The following KIN variants were observed in gnomAD, a reference collection of about 807,000 sequenced individuals.
The protein encoded by KIN is Kin17 DNA and RNA binding protein.
Under a neutral mutation model 63.0 loss-of-function variants are expected in KIN, and 47 were observed. The observed-to-expected ratio is 0.75, with a 90% CI of 0.59 to 0.95. KIN has a LOEUF of 0.95. Ranked by LOEUF, KIN falls within the 40% of genes least tolerant of loss-of-function variation. KIN has a pLI of 0.00. For missense variants in KIN, 408 were observed against 460.9 expected, an observed-to-expected ratio of 0.89 and a Z score of 1.05; for synonymous variants, 160 against 157.7, an observed-to-expected ratio of 1.01 and a Z score of -0.11.
intron 3 of KIN, 33 bp downstream of exon 3, chr10:7,780,231 A>T (rs531735361): frequency 6.2e-7 from 1 of 1,610,650 alleles, no homozygotes; most frequent in Admixed American, 1.7e-5. Flanking sequence ...CCATTTATAA[A>T]GCTGTTATTT....
At chr10:7,767,540 G>T (rs2131000708) in intron 8 of KIN, among the ~76,000 whole-genome samples, 1 of 152,188 alleles carries the variant, frequency 6.6e-6, no homozygotes. Flanking sequence ...CATCCTGCAT[G>T]GTGTGAGGAC....
chr10:7,779,168 G>A (rs909136155), intron 4 of KIN, 149 bp from the exon 5 acceptor site: 37 of 865,982 alleles, frequency 4.3e-5, no homozygotes, highest in Non-Finnish European at 6.1e-5. Flanking sequence ...AGCACTTTAG[G>A]AGGCCAACAC....
intron 1 of KIN, among the ~76,000 whole-genome samples, chr10:7,783,812 C>A (rs1335736791): frequency 6.6e-6 from 1 of 152,048 alleles, no homozygotes; most frequent in Admixed American, 6.6e-5. Flanking sequence ...AGCACAAGCA[C>A]CCAAGCCATG....
Position 7,778,826 on chromosome 10 carries a change from T to A in KIN, c.558+12A>T. 6.2e-7 allele frequency: 1 copy of A among 1,612,314 alleles called. No homozygotes were observed. The highest frequency in any genetic ancestry group is 8.5e-7 in the Non-Finnish European group (1 of 1,179,518). ...CTGGACGTTGCTTCTCAGGATGATG[T>A]TGCTTACCCACCTGTTCCTTCCCTT... On this transcript the variant is annotated intron_variant, in intron 5 of 12. Coordinates refer to ENST00000379562, the MANE Select transcript of KIN (RefSeq NM_012311.4).
intron 1 of KIN, among the ~76,000 whole-genome samples, chr10:7,786,926 A>C (rs1836027216): frequency 1.3e-5 from 2 of 152,236 alleles, no homozygotes; most frequent in African/African-American, 4.8e-5. Context: ...TCACTTGCAG[A>C]AACACTGGAT....
intron 5 of KIN, 62 bp downstream of exon 5, chr10:7,778,776 C>T: frequency 6.7e-7 from 1 of 1,503,114 alleles, no homozygotes. Context: ...AAAGAAAAAC[C>T]AAGCCATTGT....
At chr10:7,776,528 C>T (rs912483606) in intron 5 of KIN, among the ~76,000 whole-genome samples, 2 of 150,386 alleles carry the variant, frequency 1.3e-5, no homozygotes, top group South Asian at 2.1e-4. Flanking sequence ...GGTGAAAGAG[C>T]GAGACGAGCC....
chr10:7,778,441 G>A (rs1420248478), intron 5 of KIN, among the ~76,000 whole-genome samples: 1 of 152,044 alleles, frequency 6.6e-6, no homozygotes, highest in African/African-American at 2.4e-5. Flanking sequence ...TTGATTCAAC[G>A]CTGAAAAGAC....
intron 2 of KIN, 135 bp downstream of exon 2, chr10:7,782,946 A>AT (rs1237474544): frequency 3.3e-5 from 14 of 420,022 alleles, no homozygotes; most frequent in African/African-American, 1.0e-4. Context: ...TCAAAAGAAG[A>AT]TAAAAACTGA....
Position 7,777,854 on chromosome 10 carries a change from G to A in KIN, c.558+984C>T, listed in dbSNP as rs373022615. On this transcript the variant is annotated intron_variant, in intron 5 of 12. Transcript: ENST00000379562. The stretch of plus-strand genomic sequence containing the variant: ...GCGGGGGTTGCAGTCAGCTGAAATC[G>A]CGCCACTGCACTCCAGCCTGGGCGA... Among the ~76,000 whole-genome samples, 6 of 148,026 alleles carry A rather than the reference G, an allele frequency of 4.1e-5. No homozygotes were observed. In the South Asian group the frequency reaches 1.1e-3, roughly 26 times the overall value.
In KIN at chr10:7,779,007, AC is replaced by A; in HGVS notation, c.388del (p.Val130TrpfsTer13). ...KWLGREGLCK[V>X]DETPKGWYIQ... Reference sequence around the variant, plus strand: ...ATACCAGCCTTTTGGTGTCTCGTCCACTTTGCACAAGCCTTAAAAAAACAGC... The same window carrying A: ...ATACCAGCCTTTTGGTGTCTCGTCCATTTGCACAAGCCTTAAAAAAACAGC... On this transcript the variant is annotated frameshift_variant, in exon 5 of 13. Transcript: ENST00000379562. LOFTEE classifies it high-confidence loss of function. 1.2e-6 allele frequency: 2 copies of A among 1,610,330 alleles called. No homozygotes were observed. Among genetic ancestry groups the A allele is most frequent in the Non-Finnish European group, 1.7e-6 (2 of 1,179,038 alleles).
At chr10:7,764,496 T>G (rs1835500013) in intron 9 of KIN, among the ~76,000 whole-genome samples, 1 of 152,224 alleles carries the variant, frequency 6.6e-6, no homozygotes, top group Non-Finnish European at 1.5e-5. Context: ...CTGCAGTGAT[T>G]CTATATTTGC....
chr10:7,763,234 C>T (rs1835472504), intron 10 of KIN, among the ~76,000 whole-genome samples: 1 of 152,088 alleles, frequency 6.6e-6, no homozygotes, highest in Non-Finnish European at 1.5e-5. Context: ...CCAGCCTGGG[C>T]AACAGAGCCA....
intron 5 of KIN, among the ~76,000 whole-genome samples, chr10:7,778,416 C>A (rs1034935867): frequency 5.9e-5 from 9 of 152,158 alleles, no homozygotes; most frequent in Admixed American, 1.3e-4. Flanking sequence ...AGTTCAGGAA[C>A]AGTGCCCACA....
Position 7,787,898 on chromosome 10 carries a change from G to T in KIN, c.36C>A (p.Ile12=). 2 of 1,614,118 alleles carry T rather than the reference G, an allele frequency of 1.2e-6. No individual in the cohort carries two copies. The highest frequency in any genetic ancestry group is 1.7e-6 in the Non-Finnish European group (2 of 1,179,910). ...GKSDFLTPKA[I]ANRIKSKGLQ... is the part of the protein sequence containing the mutation. ...GCCCCTTGGACTTGATCCTGTTGGCGATAGCCTTGGGAGTAAGAAAATCCG... is the reference window on the plus strand; with the variant it reads ...GCCCCTTGGACTTGATCCTGTTGGCTATAGCCTTGGGAGTAAGAAAATCCG... Residue 12 remains isoleucine, a synonymous_variant, in exon 1 of 13, where the codon ATC becomes ATA. Coordinates refer to ENST00000379562, the MANE Select transcript of KIN (RefSeq NM_012311.4).
rs1835277747 is a variant in KIN at position 7,753,650 on chromosome 10, GAACATT to G, written c.*2424_*2429del. On this transcript the variant is annotated 3_prime_UTR_variant, in exon 13 of 13. Coordinates refer to ENST00000379562, the MANE Select transcript of KIN (RefSeq NM_012311.4). ...ATACATTAAAAACATTGCAATTCAA[GAACATT>G]AACATTCTAATATTACAAAGCCAAT... 1 of 155,584 alleles carries G rather than the reference GAACATT, an allele frequency of 6.4e-6. No homozygotes were observed. The highest frequency in any genetic ancestry group is 1.9e-4 in the South Asian group (1 of 5,170). The allele number at this position is 155,584 out of a possible 1,614,324, so 9.6% of individuals were successfully genotyped here. A position where few individuals can be genotyped will look rare whatever the true frequency, so the allele number is the denominator to read the frequency against.
chr10:7,774,410 GA>G (rs1178428810), intron 7 of KIN, among the ~76,000 whole-genome samples: 1 of 152,154 alleles, frequency 6.6e-6, no homozygotes, highest in Non-Finnish European at 1.5e-5. Flanking sequence ...AGCGAATAAG[GA>G]ACCGTTAAAT....
chr10:7,775,877 G>T, intron 5 of KIN, 78 bp from the exon 6 acceptor site: 1 of 789,256 alleles, frequency 1.3e-6, no homozygotes, highest in Non-Finnish European at 2.1e-6. Flanking sequence ...ATTATGACTT[G>T]CTACCTGTGT....
At chr10:7,772,261 TG>T (rs746231212) in intron 7 of KIN, among the ~76,000 whole-genome samples, 20 of 152,314 alleles carry the variant, frequency 1.3e-4, no homozygotes, top group Non-Finnish European at 2.4e-4. Context: ...GTCCTTTTGC[TG>T]GCAATATCAA....
Sources: allele counts gnomAD v4.1 joint callset (sites outside exome capture counted in the v4.1 genomes callset), GRCh38; gene constraint gnomAD v4.1.1; transcripts MANE v1.5; gene names NCBI Gene and HGNC (gene_info 2026-07-23, HGNC 2026-07-21).